SQOR: variants seen among roughly 807,000 people sequenced by gnomAD.
SQOR encodes sulfide quinone oxidoreductase.
Under a neutral mutation model 48.6 loss-of-function variants are expected in SQOR, and 39 were observed. The observed-to-expected ratio is 0.80, with a 90% CI of 0.62 to 1.05. The LOEUF is 1.05. SQOR is among the 50% of genes least tolerant of loss of function. SQOR has a pLI of 0.00. For synonymous variants in SQOR, 220 were observed against 206.2 expected, an observed-to-expected ratio of 1.07 and a Z score of -0.57; for missense variants, 561 against 559.9, an observed-to-expected ratio of 1.00 and a Z score of -0.02.
intron 1 of SQOR, among the ~76,000 whole-genome samples, chr15:45,637,073 G>T (rs1176891937): frequency 1.3e-5 from 2 of 151,046 alleles, no homozygotes; most frequent in African/African-American, 4.9e-5. Context: ...CAACCTCCTC[G>T]CAGGTTCGAG....
intron 3 of SQOR, among the ~76,000 whole-genome samples, chr15:45,669,138 AATATATATTTTTTAT>A (rs1168295462): frequency 1.3e-5 from 2 of 148,742 alleles, no homozygotes; most frequent in African/African-American, 2.4e-5. Context: ...ACAATATACT[AATATATATTTTTTAT>A]ATATATATTT....
intron 1 of SQOR, among the ~76,000 whole-genome samples, chr15:45,636,009 G>A (rs1894997826): frequency 6.6e-6 from 1 of 152,048 alleles, no homozygotes; most frequent in Admixed American, 6.6e-5. Flanking sequence ...TTTAGTATTT[G>A]TAGTAGAGGC....
intron 6 of SQOR, among the ~76,000 whole-genome samples, chr15:45,678,929 G>A (rs542786983): frequency 2.0e-5 from 3 of 152,284 alleles, no homozygotes; most frequent in Non-Finnish European, 2.9e-5. Context: ...ATTTGAGAGA[G>A]TCCGTTTGAG....
intron 3 of SQOR, among the ~76,000 whole-genome samples, chr15:45,666,788 T>TCC (rs1287503106): frequency 2.9e-4 from 14 of 48,592 alleles, no homozygotes; most frequent in Non-Finnish European, 4.0e-4. Context: ...TCCCCTCCCC[T>TCC]TCTCTCCCCT....
At chr15:45,657,265 A>ATT (rs33993204) in intron 1 of SQOR, among the ~76,000 whole-genome samples, 30,370 of 147,942 alleles carry the variant, frequency 0.21, 3,627 homozygotes, top group East Asian at 0.53. Flanking sequence ...TGGAGCCTGC[A>ATT]TTTTTTTTTT....
At chr15:45,653,074 A>C (rs1443241698) in intron 1 of SQOR, among the ~76,000 whole-genome samples, 1 of 152,198 alleles carries the variant, frequency 6.6e-6, no homozygotes, top group African/African-American at 2.4e-5. Context: ...GTTGGTTCCT[A>C]AGTGATGTTT....
At chr15:45,651,209 C>T (rs951053541) in intron 1 of SQOR, among the ~76,000 whole-genome samples, 2 of 152,220 alleles carry the variant, frequency 1.3e-5, no homozygotes, top group African/African-American at 4.8e-5. Flanking sequence ...CGGGCCGGCA[C>T]TGCTGGGGGA....
Position 45,675,508 on chromosome 15 carries a change from C to A in SQOR, c.655-593C>A, listed in dbSNP as rs576892559. On this transcript the variant is annotated intron_variant, in intron 5 of 9. Transcript: ENST00000260324. ...TTCCTGGGTTCAAGCCATTCTCCTG[C>A]CTCAGCCTCCTGAGTAGCTGGGATT... Among the ~76,000 whole-genome samples, 5 of 152,122 alleles carry A rather than the reference C, an allele frequency of 3.3e-5. No homozygotes were observed. The South Asian group carries it at 1.0e-3, about 32-fold the overall frequency.
Position 45,669,339 on chromosome 15 carries a change from T to C in SQOR, c.406-589T>C, listed in dbSNP as rs896287079. On this transcript the variant is annotated intron_variant, in intron 3 of 9. Transcript: ENST00000260324. Reference sequence around the variant, plus strand: ...CCACCGCACCTAGGTAATTTTTGTATTTTTTGCAGAGACAGGGTTTTGCCA... The same window carrying C: ...CCACCGCACCTAGGTAATTTTTGTACTTTTTGCAGAGACAGGGTTTTGCCA... 2.0e-5 allele frequency among the ~76,000 whole-genome samples: 3 copies of C among 152,062 alleles called. No homozygotes were observed. The South Asian group carries it at 6.2e-4, about 32-fold the overall frequency.
intron 1 of SQOR, among the ~76,000 whole-genome samples, chr15:45,650,098 C>A (rs58203890): frequency 0.03 from 4,578 of 152,092 alleles, 278 homozygotes; most frequent in African/African-American, 0.11. Flanking sequence ...CTGCCTCAGC[C>A]TCCCAAAGTG....
In SQOR at chr15:45,638,407, C is replaced by T. The variant is rs143088641; in HGVS notation, c.-18+3299C>T. On this transcript the variant is annotated intron_variant, in intron 1 of 9. Transcript: ENST00000260324. ...AGAAGTTCGAGGCTAGCCTGAGCAACATAGCAAGACCTTGTCTCAATAAAA... is the reference window on the plus strand; with the variant it reads ...AGAAGTTCGAGGCTAGCCTGAGCAATATAGCAAGACCTTGTCTCAATAAAA... Among the ~76,000 whole-genome samples, 411 of 152,214 alleles carry T rather than the reference C, an allele frequency of 2.7e-3. 1 individual carries two copies. The highest frequency in any genetic ancestry group is 9.5e-3 in the African/African-American group (395 of 41,532).
intron 7 of SQOR, among the ~76,000 whole-genome samples, chr15:45,685,417 C>T (rs189210164): frequency 2.6e-5 from 4 of 152,272 alleles, no homozygotes; most frequent in Non-Finnish European, 5.9e-5. Context: ...TCTGGCTTTC[C>T]GGAGCTCATG....
intron 6 of SQOR, among the ~76,000 whole-genome samples, chr15:45,682,220 C>T (rs1038503693): frequency 3.9e-5 from 6 of 152,150 alleles, no homozygotes; most frequent in African/African-American, 1.4e-4. Context: ...CTCATGTACC[C>T]GTACGTGTGT....
rs572244650 is a variant in SQOR, at chr15:45,642,341, A to G, written c.-18+7233A>G. ...ACCAATGACTGCTCAGCTCCAGCCAAGAGTTTCCATGTGAGAATGTGGGCT... is the reference window on the plus strand; with the variant it reads ...ACCAATGACTGCTCAGCTCCAGCCAGGAGTTTCCATGTGAGAATGTGGGCT... On this transcript the variant is annotated intron_variant, in intron 1 of 9. Coordinates refer to ENST00000260324, the MANE Select transcript of SQOR (RefSeq NM_021199.4). Among the ~76,000 whole-genome samples the G allele has an allele frequency of 1.3e-4, 20 of 152,330 alleles. 1 individual carries two copies. The highest frequency in any genetic ancestry group is 4.1e-4 in the African/African-American group (17 of 41,582).
At chr15:45,668,706 G>A (rs1307199588) in intron 3 of SQOR, among the ~76,000 whole-genome samples, 3 of 152,170 alleles carry the variant, frequency 2.0e-5, no homozygotes, top group Non-Finnish European at 4.4e-5. Context: ...ATTCGCTCGG[G>A]TTGCTTGCTC....
intron 3 of SQOR, among the ~76,000 whole-genome samples, chr15:45,663,027 A>T (rs952434864): frequency 1.3e-5 from 2 of 151,578 alleles, no homozygotes; most frequent in Admixed American, 1.3e-4. Context: ...CTGAGGCATT[A>T]TTTTTTTTGA....
chr15:45,650,015 G>A (rs570147336), intron 1 of SQOR, among the ~76,000 whole-genome samples: 1 of 151,774 alleles, frequency 6.6e-6, no homozygotes, highest in Non-Finnish European at 1.5e-5. Flanking sequence ...GCTAATTTTT[G>A]TATTTTTAGT....
Position 45,659,010 on chromosome 15 carries a change from C to G in SQOR, c.87C>G (p.Pro29=), listed in dbSNP as rs147700533. 1.5e-4 allele frequency: 246 copies of G among 1,603,698 alleles called. No homozygotes were observed. The highest frequency in any genetic ancestry group is 2.0e-4 in the Non-Finnish European group (235 of 1,175,468). ...LLRLGTQQVG[P]LQLHTGASHA... is the part of the protein sequence containing the mutation. ...GGCTGGGCACTCAGCAGGTCGGCCC[C>G]CTTCAGCTGCACACCGGGGCCAGCC... Residue 29 remains proline (P), a synonymous_variant, in exon 2 of 10, where the codon CCC becomes CCG. Transcript: ENST00000260324.
intron 1 of SQOR, among the ~76,000 whole-genome samples, chr15:45,636,363 G>A (rs1895005750): frequency 6.6e-6 from 1 of 151,466 alleles, no homozygotes; most frequent in Non-Finnish European, 1.5e-5. Flanking sequence ...TCAAGATATA[G>A]GTAATACTTG....
Sources: gnomAD v4.1 joint callset for allele counts (sites outside exome capture counted in the v4.1 genomes callset) on GRCh38, gnomAD v4.1.1 for gene constraint, MANE v1.5 for transcripts, NCBI Gene and HGNC (gene_info 2026-07-23, HGNC 2026-07-21) for gene names.